The following ADAMTSL1 variants were observed in gnomAD, a reference collection of about 807,000 sequenced individuals.
ADAMTSL1 encodes ADAMTS-like protein 1.
A neutral mutation model predicts 201.8 loss-of-function variants in ADAMTSL1; 126 were observed. The observed-to-expected ratio is 0.62, with a 90% CI of 0.54 to 0.72. The LOEUF (loss-of-function observed/expected upper bound fraction) is 0.72. Ranked by LOEUF, ADAMTSL1 falls within the 30% of genes least tolerant of loss-of-function variation. The pLI, the probability that ADAMTSL1 is intolerant of heterozygous loss-of-function variation, is 0.00. For synonymous variants in ADAMTSL1, 1,121 were observed against 903.4 expected (o/e 1.24, Z -4.32); for missense variants, 2,679 against 2,277.8 (o/e 1.18, Z -3.59).
At chr9:18,406,289 T>TTTTCTTTTCTTTTCTTTTCTTTTC (rs1818190417) in intron 2 of ADAMTSL1, among the ~76,000 whole-genome samples, 6 of 117,488 alleles carry the variant, frequency 5.1e-5, no homozygotes, top group African/African-American at 2.1e-4. Flanking sequence ...ATAAGACAGT[T>TTTTCTTTTCTTTTCTTTTCTTTTC]TTTTCTTTTC....
At chr9:18,553,012 T>C (rs114885643) in intron 3 of ADAMTSL1, among the ~76,000 whole-genome samples, 5 of 151,574 alleles carry the variant, frequency 3.3e-5, no homozygotes, top group African/African-American at 1.2e-4. Context: ...CTTATCTCTA[T>C]CTTTAAATTT....
intron 7 of ADAMTSL1, among the ~76,000 whole-genome samples, chr9:18,641,528 C>T (rs1827437920): frequency 6.6e-6 from 1 of 152,018 alleles, no homozygotes; most frequent in African/African-American, 2.4e-5. Flanking sequence ...GTCCAGAACG[C>T]TTTTAATATT....
At chr9:18,629,047 A>G (rs1705551292) in intron 5 of ADAMTSL1, among the ~76,000 whole-genome samples, 1 of 152,040 alleles carries the variant, frequency 6.6e-6, no homozygotes, top group South Asian at 2.1e-4. Context: ...CTTTATTTCC[A>G]TGTCCAATTA....
intron 1 of ADAMTSL1, among the ~76,000 whole-genome samples, chr9:18,500,450 G>C (rs1250572397): frequency 6.6e-6 from 1 of 152,184 alleles, no homozygotes; most frequent in Non-Finnish European, 1.5e-5. Context: ...AATGGAGTTG[G>C]GGGGTTGATT....
intron 3 of ADAMTSL1, among the ~76,000 whole-genome samples, chr9:18,564,728 G>A (rs533693925): frequency 6.6e-6 from 1 of 152,198 alleles, no homozygotes; most frequent in East Asian, 1.9e-4. Flanking sequence ...TTAAGGAGGT[G>A]GGAGAGAACA....
intron 20 of ADAMTSL1, among the ~76,000 whole-genome samples, chr9:18,810,388 G>A (rs1422314430): frequency 6.6e-6 from 1 of 152,008 alleles, no homozygotes; most frequent in African/African-American, 2.4e-5. Flanking sequence ...GAAGAAAGAG[G>A]GATAGCTTCT....
At chr9:18,086,841 T>G (rs1485511201) in intron 1 of ADAMTSL1, among the ~76,000 whole-genome samples, 1 of 152,228 alleles carries the variant, frequency 6.6e-6, no homozygotes. Context: ...AGTATTAGCT[T>G]CGTATTTTTT....
intron 3 of ADAMTSL1, among the ~76,000 whole-genome samples, chr9:18,536,777 C>A (rs547496927): frequency 6.6e-6 from 1 of 152,144 alleles, no homozygotes; most frequent in Non-Finnish European, 1.5e-5. Context: ...TCATTTAGGT[C>A]TCAGAGATTT....
chr9:18,492,535 A>C (rs537776553), intron 1 of ADAMTSL1, among the ~76,000 whole-genome samples: 1 of 152,194 alleles, frequency 6.6e-6, no homozygotes, highest in African/African-American at 2.4e-5. Flanking sequence ...TAACAAAACA[A>C]TTCTTAGGAC....
At chr9:18,607,163 T>C (rs972118738) in intron 4 of ADAMTSL1, among the ~76,000 whole-genome samples, 4 of 152,230 alleles carry the variant, frequency 2.6e-5, no homozygotes, top group African/African-American at 7.2e-5. Context: ...TAAAAATTCT[T>C]CTAGTAAGAA....
intron 1 of ADAMTSL1, among the ~76,000 whole-genome samples, chr9:17,918,251 G>A (rs571385694): frequency 1.3e-5 from 2 of 151,424 alleles, no homozygotes; most frequent in South Asian, 2.1e-4. Context: ...TTGATATAAG[G>A]TATTTTGGAT....
intron 2 of ADAMTSL1, among the ~76,000 whole-genome samples, chr9:18,509,999 A>C (rs999423386): frequency 6.6e-6 from 1 of 152,204 alleles, no homozygotes; most frequent in East Asian, 1.9e-4. Flanking sequence ...TTATGAATGT[A>C]TATATGCTTA....
rs534953396 is a variant in ADAMTSL1, at chr9:18,237,162, G to A, written c.207+73181G>A. The stretch of plus-strand genomic sequence containing the variant: ...TCTTAAACTCTACAGATTTCCAAGA[G>A]ATCATGTGTCAGAAGCTGTGTCCCA... On this transcript the variant is annotated intron_variant, in intron 2 of 29. Transcript: ENST00000680146. 8.5e-5 allele frequency among the ~76,000 whole-genome samples: 13 copies of A among 152,294 alleles called. No individual in the cohort carries two copies. The East Asian group carries it at 1.4e-3, about 16-fold the overall frequency.
intron 3 of ADAMTSL1, among the ~76,000 whole-genome samples, chr9:18,551,268 C>T (rs1407268169): frequency 5.3e-5 from 8 of 151,792 alleles, no homozygotes; most frequent in Admixed American, 4.6e-4. Context: ...CTAGAATATA[C>T]CCAACTTGCT....
At chr9:18,251,045 G>A (rs1831447111) in intron 2 of ADAMTSL1, among the ~76,000 whole-genome samples, 1 of 151,978 alleles carries the variant, frequency 6.6e-6, no homozygotes, top group Non-Finnish European at 1.5e-5. Context: ...AACAGAAACA[G>A]CACAGAACTG....
chr9:18,263,255 A>G lies in ADAMTSL1; in HGVS notation c.207+99274A>G, dbSNP rs145901730. On this transcript the variant is annotated intron_variant, in intron 2 of 29. Coordinates refer to the ADAMTSL1 transcript ENST00000680146. ...GTATTTAGTGCCAGATTTAATGGCTACTTCTCAGTGCACATACTCTTCAGT... is the reference window on the plus strand; with the variant it reads ...GTATTTAGTGCCAGATTTAATGGCTGCTTCTCAGTGCACATACTCTTCAGT... Among the ~76,000 whole-genome samples, 920 of 152,314 alleles carry G rather than the reference A, an allele frequency of 6.0e-3. 10 individuals carry two copies. The highest frequency in any genetic ancestry group is 0.022 in the African/African-American group (894 of 41,574).
Position 18,777,773 on chromosome 9 carries a change from G to GT in ADAMTSL1, c.3545dup (p.Thr1183HisfsTer21). 6.2e-7 allele frequency: 1 copy of GT among 1,613,772 alleles called. No homozygotes were observed. The highest frequency in any genetic ancestry group is 8.5e-7 in the Non-Finnish European group (1 of 1,179,838). On this transcript the variant is annotated frameshift_variant, in exon 19 of 29. Coordinates refer to ENST00000380548, the MANE Select transcript of ADAMTSL1 (RefSeq NM_001040272.6). LOFTEE classifies it high-confidence loss of function. ...CCAGCAGCTCTCAGCCTCGGAGGTG[G>GT]TCACCCACCTGGGGCAGACGGTGGC...
chr9:18,904,281 C>T (rs1197665008), intron 26 of ADAMTSL1, among the ~76,000 whole-genome samples: 2 of 152,032 alleles, frequency 1.3e-5, no homozygotes, highest in Admixed American at 6.6e-5. Flanking sequence ...CCAGCCTGAC[C>T]AACATGGCGA....
chr9:18,218,932 ATTT>A (rs1563815188), intron 2 of ADAMTSL1, among the ~76,000 whole-genome samples: 5 of 152,092 alleles, frequency 3.3e-5, no homozygotes, highest in African/African-American at 1.2e-4. Flanking sequence ...TTAATAAATG[ATTT>A]AATATAAGGT....
Sources: allele counts gnomAD v4.1 joint callset (sites outside exome capture counted in the v4.1 genomes callset), GRCh38; gene constraint gnomAD v4.1.1; transcripts MANE v1.5; gene names NCBI Gene and HGNC (gene_info 2026-07-23, HGNC 2026-07-21).